HIVEP3: variants seen among roughly 807,000 people sequenced by gnomAD.
HIVEP3 encodes the protein HIVEP zinc finger 3, also known as transcription factor HIVEP3.
In HIVEP3, 49 loss-of-function variants were observed where a neutral mutation model predicts 152.8. The ratio of observed to expected loss-of-function variants is 0.32; its 90% CI spans 0.26 to 0.41. The LOEUF is 0.41. Among genes scored for constraint, HIVEP3 ranks in the 10% least tolerant of loss-of-function variants. The pLI is 1.00. For missense variants in HIVEP3, 2,790 were observed against 3,103.3 expected (o/e 0.90, Z 2.40); for synonymous variants, 1,269 against 1,289.0 (o/e 0.98, Z 0.33).
chr1:41,969,495 G>A (rs187623636), intron 1 of HIVEP3, among the ~76,000 whole-genome samples: 24 of 152,198 alleles, frequency 1.6e-4, no homozygotes, highest in South Asian at 8.3e-4. Context: ...TAGGAGAACC[G>A]GCTAGTCATA....
chr1:41,735,430 TC>T (rs1646902277), intron 1 of HIVEP3, among the ~76,000 whole-genome samples: 1 of 151,996 alleles, frequency 6.6e-6, no homozygotes, highest in Admixed American at 6.6e-5. Flanking sequence ...AGGGCATGAG[TC>T]CCCCTTGTCT....
intron 2 of HIVEP3, among the ~76,000 whole-genome samples, chr1:41,641,428 C>T (rs1645370970): frequency 1.3e-5 from 2 of 152,236 alleles, no homozygotes; most frequent in African/African-American, 2.4e-5. Context: ...TGCCCCACTC[C>T]TGCCCAGTGC....
chr1:41,908,094 T>G (rs1010194142), intron 1 of HIVEP3, among the ~76,000 whole-genome samples: 8 of 151,254 alleles, frequency 5.3e-5, no homozygotes, highest in African/African-American at 1.9e-4. Context: ...TAGGCATCCA[T>G]AAGAGAAAAA....
At chr1:41,633,103 A>G (rs1645219487) in intron 2 of HIVEP3, among the ~76,000 whole-genome samples, 1 of 152,042 alleles carries the variant, frequency 6.6e-6, no homozygotes, top group South Asian at 2.1e-4. Context: ...GGCAGGTCAG[A>G]GGGCTGCCCA....
At position 41,598,192 on chromosome 1, in the gene HIVEP3, C is replaced by T. The variant is rs534569247; in HGVS notation, c.-521-12874G>A. On this transcript the variant is annotated intron_variant, in intron 3 of 8. Coordinates refer to ENST00000372583, the MANE Select transcript of HIVEP3 (RefSeq NM_024503.5). ...TTCTGGCCATTTGTGTCCAGCCAGT[C>T]TCTCATCAACACCGCCTAAGAGAGA... 2.6e-5 allele frequency among the ~76,000 whole-genome samples: 4 copies of T among 152,312 alleles called. No individual in the cohort carries two copies. In the South Asian group the frequency reaches 8.3e-4, roughly 32 times the overall value.
intron 1 of HIVEP3, among the ~76,000 whole-genome samples, chr1:41,913,966 GC>G (rs1459148723): frequency 6.6e-6 from 1 of 152,104 alleles, no homozygotes; most frequent in African/African-American, 2.4e-5. Context: ...TCTGAGACTA[GC>G]TTCCCTATAC....
intron 2 of HIVEP3, among the ~76,000 whole-genome samples, chr1:41,630,661 T>G (rs895954055): frequency 6.6e-6 from 1 of 152,152 alleles, no homozygotes; most frequent in African/African-American, 2.4e-5. Context: ...ACACCTTGAA[T>G]GAGCTTGGAA....
rs565719921 is a variant in HIVEP3, at chr1:41,845,950, C to T, written c.-801+72463G>A. 4.9e-4 allele frequency among the ~76,000 whole-genome samples: 74 copies of T among 152,186 alleles called. No homozygotes were observed. In the South Asian group the frequency reaches 0.015, roughly 30 times the overall value. ...GGCATGGTGGTTGGTGCCTGTAGTCCCAACTACTCTGGAGGCTGAGGCAGG... is the reference window on the plus strand; with the variant it reads ...GGCATGGTGGTTGGTGCCTGTAGTCTCAACTACTCTGGAGGCTGAGGCAGG... On this transcript the variant is annotated intron_variant, in intron 1 of 8. Transcript: ENST00000372583.
intron 1 of HIVEP3, among the ~76,000 whole-genome samples, chr1:41,773,958 A>T (rs1052024725): frequency 6.6e-6 from 1 of 152,280 alleles, no homozygotes; most frequent in Non-Finnish European, 1.5e-5. Context: ...TGCTACTGGC[A>T]AAGATTCAGT....
chr1:41,642,432 C>T (rs1043852119), intron 2 of HIVEP3, among the ~76,000 whole-genome samples: 1 of 152,254 alleles, frequency 6.6e-6, no homozygotes, highest in Non-Finnish European at 1.5e-5. Flanking sequence ...ATCCAACCCA[C>T]ACCAGCCTGG....
At chr1:41,970,559 A>G (rs1645223204) in intron 1 of HIVEP3, among the ~76,000 whole-genome samples, 1 of 152,160 alleles carries the variant, frequency 6.6e-6, no homozygotes, top group African/African-American at 2.4e-5. Context: ...GGGAAATGAG[A>G]GCATCAGGAA....
At chr1:41,935,827 C>T (rs1645017501) in intron 1 of HIVEP3, among the ~76,000 whole-genome samples, 1 of 150,152 alleles carries the variant, frequency 6.7e-6, no homozygotes, top group African/African-American at 2.4e-5. Flanking sequence ...AGATTTCTAC[C>T]ATCTCTAATG....
chr1:41,892,203 A>G (rs2124442220), intron 1 of HIVEP3, among the ~76,000 whole-genome samples: 1 of 152,364 alleles, frequency 6.6e-6, no homozygotes, highest in East Asian at 1.9e-4. Flanking sequence ...TCCAAACACC[A>G]GAGCTTTATC....
intron 1 of HIVEP3, among the ~76,000 whole-genome samples, chr1:41,939,083 T>G (rs1374592927): frequency 2.6e-5 from 4 of 152,220 alleles, no homozygotes; most frequent in African/African-American, 9.6e-5. Context: ...CCTTTAGGAT[T>G]GATAGATGAT....
intron 1 of HIVEP3, among the ~76,000 whole-genome samples, chr1:41,718,687 G>A (rs1046571597): frequency 2.0e-5 from 3 of 152,068 alleles, no homozygotes; most frequent in African/African-American, 4.8e-5. Context: ...GGCCTGGCAC[G>A]AGTCCATTGC....
At chr1:41,858,506 G>A (rs963182807) in intron 1 of HIVEP3, among the ~76,000 whole-genome samples, 9 of 152,022 alleles carry the variant, frequency 5.9e-5, no homozygotes, top group African/African-American at 1.7e-4. Context: ...CTCCAACACC[G>A]ACATCCCACT....
At chr1:41,807,227 G>A (rs775182976) in intron 1 of HIVEP3, among the ~76,000 whole-genome samples, 20 of 152,174 alleles carry the variant, frequency 1.3e-4, no homozygotes, top group South Asian at 6.2e-4. Flanking sequence ...TCACCCTCAC[G>A]GGGAGGGCCC....
intron 1 of HIVEP3, among the ~76,000 whole-genome samples, chr1:41,949,965 G>T (rs943693151): frequency 6.6e-6 from 1 of 152,130 alleles, no homozygotes; most frequent in Non-Finnish European, 1.5e-5. Flanking sequence ...TCTCAACAGG[G>T]TTTTCCTGTT....
At chr1:41,849,371 A>C (rs1319318296) in intron 1 of HIVEP3, among the ~76,000 whole-genome samples, 1 of 152,212 alleles carries the variant, frequency 6.6e-6, no homozygotes, top group Non-Finnish European at 1.5e-5. Context: ...CTAACCATGC[A>C]CAAACTTCTC....
Sources: allele counts gnomAD v4.1 joint callset (sites outside exome capture counted in the v4.1 genomes callset), GRCh38; gene constraint gnomAD v4.1.1; transcripts MANE v1.5; gene names NCBI Gene and HGNC (gene_info 2026-07-23, HGNC 2026-07-21).